Variants in NRG1 observed in about 807,000 individuals in gnomAD.
NRG1 encodes the protein pro-neuregulin-1, membrane-bound isoform.
NRG1 carries 18 observed loss-of-function variants against 63.8 expected under a neutral mutation model. That is an observed-to-expected ratio of 0.28 (90% confidence interval 0.19 to 0.42). NRG1 has a LOEUF of 0.42. Ranked by LOEUF, NRG1 falls within the 10% of genes least tolerant of loss-of-function variation. The pLI is 1.00. For synonymous variants in NRG1, 302 were observed against 301.3 expected (o/e 1.00, Z -0.02); for missense variants, 762 against 814.7 (o/e 0.94, Z 0.79).
At chr8:32,527,471 GGATATA>G (rs950218344) in intron 1 of NRG1, among the ~76,000 whole-genome samples, 2 of 152,082 alleles carry the variant, frequency 1.3e-5, no homozygotes, top group African/African-American at 4.8e-5. Context: ...TGTGTACCAT[GGATATA>G]GAAATTGGAA....
intron 1 of NRG1, among the ~76,000 whole-genome samples, chr8:32,303,210 G>T (rs796587589): frequency 3.8e-5 from 5 of 132,030 alleles, no homozygotes; most frequent in African/African-American, 1.1e-4. Flanking sequence ...AAAAAAAAGA[G>T]AAAAGAAAGA....
At chr8:32,671,405 C>T (rs1805614741) in intron 5 of NRG1, among the ~76,000 whole-genome samples, 1 of 152,064 alleles carries the variant, frequency 6.6e-6, no homozygotes, top group African/African-American at 2.4e-5. Flanking sequence ...ATCAGAGAGC[C>T]TTCATAACAA....
intron 1 of NRG1, among the ~76,000 whole-genome samples, chr8:32,169,489 G>T (rs1351426910): frequency 6.6e-6 from 1 of 152,148 alleles, no homozygotes; most frequent in Non-Finnish European, 1.5e-5. Context: ...AACTTTTAGG[G>T]ATCCAATAGG....
chr8:32,252,645 T>C (rs1849249598), intron 1 of NRG1, among the ~76,000 whole-genome samples: 1 of 152,322 alleles, frequency 6.6e-6, no homozygotes, highest in Admixed American at 6.5e-5. Flanking sequence ...TCCAGCTTTG[T>C]TCTTTTTGCC....
intron 1 of NRG1, among the ~76,000 whole-genome samples, chr8:31,783,610 A>AC (rs1335611577): frequency 1.3e-5 from 2 of 151,738 alleles, no homozygotes; most frequent in Admixed American, 6.6e-5. Flanking sequence ...AGGCAAAAAA[A>AC]AAAAAAAACA....
chr8:32,116,133 G>T (rs1426412760), intron 1 of NRG1, among the ~76,000 whole-genome samples: 1 of 151,868 alleles, frequency 6.6e-6, no homozygotes, highest in Non-Finnish European at 1.5e-5. Context: ...ACTCCAATGG[G>T]GATATTTTTT....
chr8:32,676,702 C>T (rs550586655), intron 5 of NRG1, among the ~76,000 whole-genome samples: 2 of 152,298 alleles, frequency 1.3e-5, no homozygotes, highest in Admixed American at 1.3e-4. Context: ...AGTTATGCAG[C>T]TTCTCTGTTC....
At chr8:31,841,918 C>T (rs1281884808) in intron 1 of NRG1, among the ~76,000 whole-genome samples, 1 of 152,146 alleles carries the variant, frequency 6.6e-6, no homozygotes, top group East Asian at 1.9e-4. Flanking sequence ...AGAATGTTCT[C>T]CATGTTCTCC....
At chr8:32,631,002 GA>G (rs929231079) in intron 5 of NRG1, among the ~76,000 whole-genome samples, 1 of 151,604 alleles carries the variant, frequency 6.6e-6, no homozygotes, top group Admixed American at 6.6e-5. Flanking sequence ...GAAAAATACT[GA>G]TTTTTCCTGG....
chr8:31,663,980 T>C (rs1399873287), intron 1 of NRG1, among the ~76,000 whole-genome samples: 2 of 152,158 alleles, frequency 1.3e-5, no homozygotes, highest in Non-Finnish European at 1.5e-5. Context: ...TTCTTTTCTT[T>C]TTTTTTAGGG....
At chr8:32,624,385 G>A (rs1426559688) in intron 5 of NRG1, among the ~76,000 whole-genome samples, 1 of 152,174 alleles carries the variant, frequency 6.6e-6, no homozygotes, top group Non-Finnish European at 1.5e-5. Flanking sequence ...AATCATTACA[G>A]AGAGGAGAGT....
intron 1 of NRG1, among the ~76,000 whole-genome samples, chr8:31,688,569 A>G (rs1284125751): frequency 6.6e-6 from 1 of 152,254 alleles, no homozygotes; most frequent in African/African-American, 2.4e-5. Context: ...TGTACTGATG[A>G]GAAAATATGT....
intron 1 of NRG1, among the ~76,000 whole-genome samples, chr8:32,369,796 A>G (rs1412948114): frequency 2.0e-5 from 3 of 152,234 alleles, no homozygotes; most frequent in African/African-American, 4.8e-5. Flanking sequence ...CTACACAGAC[A>G]TGGTTTTCTG....
At chr8:31,861,456 A>G (rs150419224) in intron 1 of NRG1, among the ~76,000 whole-genome samples, 1 of 152,318 alleles carries the variant, frequency 6.6e-6, no homozygotes, top group African/African-American at 2.4e-5. Context: ...GATGGAACTT[A>G]AACTCATTGT....
At chr8:32,267,609 A>C (rs1200453339) in intron 1 of NRG1, among the ~76,000 whole-genome samples, 1 of 152,248 alleles carries the variant, frequency 6.6e-6, no homozygotes, top group Non-Finnish European at 1.5e-5. Context: ...AGTCATTACC[A>C]TGAGCAGTCA....
At chr8:31,776,962 G>C (rs1819209799) in intron 1 of NRG1, among the ~76,000 whole-genome samples, 1 of 152,172 alleles carries the variant, frequency 6.6e-6, no homozygotes, top group African/African-American at 2.4e-5. Context: ...CTGTAAACTA[G>C]TTCAACCATT....
intron 1 of NRG1, among the ~76,000 whole-genome samples, chr8:32,258,908 T>C (rs1446898665): frequency 1.3e-5 from 2 of 152,142 alleles, no homozygotes; most frequent in East Asian, 3.9e-4. Context: ...AACCACTACA[T>C]TATATAACCT....
chr8:32,460,484 G>A (rs893522862), intron 1 of NRG1, among the ~76,000 whole-genome samples: 7 of 152,092 alleles, frequency 4.6e-5, no homozygotes, highest in East Asian at 1.9e-4. Flanking sequence ...AAACCCAAAC[G>A]CCTTTCAACT....
At chr8:32,064,992 T>C (rs897199880) in intron 1 of NRG1, among the ~76,000 whole-genome samples, 1 of 152,114 alleles carries the variant, frequency 6.6e-6, no homozygotes, top group Non-Finnish European at 1.5e-5. Flanking sequence ...ACCAATTACA[T>C]TGGGGGATAG....
Sources: gnomAD v4.1 joint callset for allele counts (sites outside exome capture counted in the v4.1 genomes callset) on GRCh38, gnomAD v4.1.1 for gene constraint, MANE v1.5 for transcripts, NCBI Gene and HGNC (gene_info 2026-07-23, HGNC 2026-07-21) for gene names.